Variants in ROBO2 observed in about 807,000 individuals in gnomAD.
ROBO2 encodes the protein roundabout guidance receptor 2.
A neutral mutation model predicts 160.8 loss-of-function variants in ROBO2; 53 were observed. The ratio of observed to expected loss-of-function variants is 0.33; its 90% CI spans 0.26 to 0.41. The LOEUF is 0.41. ROBO2 is among the 10% of genes least tolerant of loss of function. The pLI is 1.00. For missense variants in ROBO2, 1,577 were observed against 1,722.4 expected (o/e 0.92, Z 1.49); for synonymous variants, 664 against 611.7 (o/e 1.09, Z -1.26).
chr3:77,539,133 T>C (rs1268830726), intron 6 of ROBO2, among the ~76,000 whole-genome samples: 1 of 152,182 alleles, frequency 6.6e-6, no homozygotes, highest in Non-Finnish European at 1.5e-5. Flanking sequence ...TTGCCCAGGC[T>C]GATCTCAAAC....
intron 2 of ROBO2, among the ~76,000 whole-genome samples, chr3:77,260,096 A>G (rs565653406): frequency 1.7e-4 from 26 of 152,176 alleles, no homozygotes; most frequent in Non-Finnish European, 2.9e-4. Flanking sequence ...CTTTTAATGT[A>G]TCTACAATGT....
intron 2 of ROBO2, among the ~76,000 whole-genome samples, chr3:76,710,696 G>A (rs1576156364): frequency 6.6e-6 from 1 of 152,122 alleles, no homozygotes; most frequent in Non-Finnish European, 1.5e-5. Context: ...AGAGAATAAT[G>A]AACTATTGAA....
At chr3:76,555,432 G>A (rs201110862) in intron 2 of ROBO2, among the ~76,000 whole-genome samples, 25,289 of 86,646 alleles carry the variant, frequency 0.29, 3,809 homozygotes, top group East Asian at 0.44. Flanking sequence ...AAGGAGAAGG[G>A]GAAGGGGAAG....
intron 2 of ROBO2, among the ~76,000 whole-genome samples, chr3:77,361,526 A>T (rs1434821614): frequency 6.6e-6 from 1 of 152,098 alleles, no homozygotes; most frequent in Non-Finnish European, 1.5e-5. Context: ...TATTTCTCAC[A>T]GTTCTGGGTG....
chr3:76,014,507 TATGTATAAAAG>T (rs1259816683), intron 2 of ROBO2, among the ~76,000 whole-genome samples: 1 of 68,742 alleles, frequency 1.5e-5, no homozygotes, highest in South Asian at 4.9e-4. Context: ...CCAGAAGTAA[TATGTATAAAAG>T]CAATTGGTGA....
intron 2 of ROBO2, among the ~76,000 whole-genome samples, chr3:76,298,883 T>C (rs1161963662): frequency 6.6e-6 from 1 of 152,040 alleles, no homozygotes. Context: ...CCAAGGTAAA[T>C]CTGGTTTCAC....
chr3:77,021,599 A>C (rs781073657), intron 2 of ROBO2, among the ~76,000 whole-genome samples: 16 of 140,060 alleles, frequency 1.1e-4, no homozygotes, highest in Non-Finnish European at 2.4e-4. Context: ...CCAAAGTAAA[A>C]TCTGAACAAA....
intron 3 of ROBO2, among the ~76,000 whole-genome samples, chr3:77,478,186 T>C (rs2084269079): frequency 6.6e-6 from 1 of 152,160 alleles, no homozygotes; most frequent in Admixed American, 6.6e-5. Flanking sequence ...TACCTGAGTG[T>C]TAAAGTATAA....
intron 2 of ROBO2, among the ~76,000 whole-genome samples, chr3:77,231,884 C>T (rs1246893921): frequency 1.3e-5 from 2 of 152,156 alleles, no homozygotes; most frequent in Non-Finnish European, 2.9e-5. Flanking sequence ...TCTACTGAAA[C>T]CACTCTCTCC....
In ROBO2 at chr3:77,644,576, A is replaced by G. The variant is rs2095392281; in HGVS notation, c.3935-128A>G. ...TAATATCCGGTCCTGATTAAACTTC[A>G]TAATTTTAATTTTATTAAAGAATGA... On this transcript the variant is annotated intron_variant, in intron 24 of 25. Coordinates refer to ENST00000461745, the Ensembl canonical transcript of ROBO2. 4 of 857,522 alleles carry G rather than the reference A, an allele frequency of 4.7e-6. No individual in the cohort carries two copies. The South Asian group carries it at 6.1e-5, about 13-fold the overall frequency. The allele number at this position is 857,522 out of a possible 1,614,324, so 53.1% of individuals were successfully genotyped here. A position where few individuals can be genotyped will look rare whatever the true frequency, so the allele number is the denominator to read the frequency against.
intron 2 of ROBO2, among the ~76,000 whole-genome samples, chr3:76,238,385 T>A (rs1467551692): frequency 6.6e-6 from 1 of 152,100 alleles, no homozygotes; most frequent in Non-Finnish European, 1.5e-5. Context: ...GAGCCACTTA[T>A]ACAAAATCAT....
chr3:77,433,979 T>C (rs1323432594), intron 2 of ROBO2, among the ~76,000 whole-genome samples: 14 of 152,096 alleles, frequency 9.2e-5, no homozygotes, highest in Admixed American at 8.5e-4. Context: ...CAGCCGCATT[T>C]CTCCCTCGGA....
rs1382986336 is a variant in ROBO2 at position 77,520,793 on chromosome 3, A to G, written c.807-1982A>G. ...GTCATGCAGTTCATAGGCTAACTGT[A>G]GAAAAGATTATTTTTATTAGACATC... On this transcript the variant is annotated intron_variant, in intron 5 of 25. Coordinates refer to ENST00000461745, the Ensembl canonical transcript of ROBO2. Among the ~76,000 whole-genome samples, 4 of 151,552 alleles carry G rather than the reference A, an allele frequency of 2.6e-5. No homozygotes were observed. The East Asian group carries it at 7.8e-4, about 30-fold the overall frequency.
At chr3:77,120,783 A>G (rs925288095) in intron 2 of ROBO2, among the ~76,000 whole-genome samples, 3 of 152,176 alleles carry the variant, frequency 2.0e-5, no homozygotes, top group Non-Finnish European at 4.4e-5. Flanking sequence ...GAGCAGCTTT[A>G]TACTGAGCAG....
chr3:76,839,604 A>G (rs908680950), intron 2 of ROBO2, among the ~76,000 whole-genome samples: 4 of 152,190 alleles, frequency 2.6e-5, no homozygotes, highest in African/African-American at 9.7e-5. Flanking sequence ...AATGCTTATC[A>G]GAGATATTGG....
intron 2 of ROBO2, among the ~76,000 whole-genome samples, chr3:76,678,632 T>A (rs67893420): frequency 0.55 from 83,747 of 151,990 alleles, 24,093 homozygotes; most frequent in East Asian, 0.76. Flanking sequence ...TTTGAAACAT[T>A]TTTATAGATG....
At chr3:76,979,333 C>CTGT (rs766137963) in intron 2 of ROBO2, among the ~76,000 whole-genome samples, 37 of 152,114 alleles carry the variant, frequency 2.4e-4, no homozygotes, top group Non-Finnish European at 4.0e-4. Flanking sequence ...TTCACTGTAC[C>CTGT]TGTTAAGTAA....
upstream of ROBO2, among the ~76,000 whole-genome samples, chr3:77,036,384 T>C (rs917193348): frequency 1.3e-5 from 2 of 151,998 alleles, no homozygotes; most frequent in African/African-American, 2.4e-5. Context: ...CAAGAGCACG[T>C]TGAAAAGAGT....
chr3:77,119,223 T>G (rs1560049169), intron 2 of ROBO2, among the ~76,000 whole-genome samples: 1 of 152,216 alleles, frequency 6.6e-6, no homozygotes, highest in Non-Finnish European at 1.5e-5. Flanking sequence ...CAATTAAACC[T>G]CTTTTCTTTA....
Sources: gnomAD v4.1 joint callset for allele counts (sites outside exome capture counted in the v4.1 genomes callset) on GRCh38, gnomAD v4.1.1 for gene constraint, MANE v1.5 for transcripts, NCBI Gene and HGNC (gene_info 2026-07-23, HGNC 2026-07-21) for gene names.